Variants in APP observed in about 807,000 individuals in gnomAD.
The protein encoded by APP is amyloid-beta precursor protein.
APP carries 31 observed loss-of-function variants against 101.4 expected under a neutral mutation model. The ratio of observed to expected loss-of-function variants is 0.31; its 90% CI spans 0.23 to 0.41. The LOEUF is 0.41. APP is among the 10% of genes least tolerant of loss of function. The pLI is 1.00. For synonymous variants in APP, 366 were observed against 364.4 expected, an observed-to-expected ratio of 1.00 and a Z score of -0.05; for missense variants, 839 against 1,003.7, an observed-to-expected ratio of 0.84 and a Z score of 2.22.
intron 1 of APP, among the ~76,000 whole-genome samples, chr21:26,165,786 G>T (rs1480352670): frequency 6.6e-6 from 1 of 152,058 alleles, no homozygotes; most frequent in Admixed American, 6.5e-5. Context: ...GATCTCTTAG[G>T]TTTCTATTTC....
intron 6 of APP, among the ~76,000 whole-genome samples, chr21:26,003,302 G>T (rs1055118640): frequency 6.6e-6 from 1 of 152,252 alleles, no homozygotes; most frequent in African/African-American, 2.4e-5. Context: ...GTCTCCAGCT[G>T]TAAGAGCCTT....
chr21:26,002,986 G>A (rs1377199808), intron 6 of APP, among the ~76,000 whole-genome samples: 1 of 152,142 alleles, frequency 6.6e-6, no homozygotes, highest in Non-Finnish European at 1.5e-5. Flanking sequence ...ATAACTATGT[G>A]CCCTTATGTG....
chr21:25,978,822 C>T lies in APP; in HGVS notation c.1225-2794G>A, dbSNP rs1023741466. On this transcript the variant is annotated intron_variant, in intron 9 of 17. Coordinates refer to ENST00000346798, the MANE Select transcript of APP (RefSeq NM_000484.4). ...CAAAAATTAGCTCGGCGTGGTGGCA[C>T]GTGCCTGTAATCCCAGTTACTGGGG... Among the ~76,000 whole-genome samples, 6 of 152,184 alleles carry T rather than the reference C, an allele frequency of 3.9e-5. 1 individual carries two copies. Among genetic ancestry groups the T allele is most frequent in the East Asian group, 1.9e-4 (1 of 5,156 alleles).
In APP at chr21:25,936,344, G is replaced by A. The variant is rs536072336; in HGVS notation, c.1687+18246C>T. Among the ~76,000 whole-genome samples, 47 of 152,254 alleles carry A rather than the reference G, an allele frequency of 3.1e-4. 1 individual carries two copies. Among genetic ancestry groups the A allele is most frequent in the African/African-American group, 1.1e-3 (45 of 41,558 alleles). On this transcript the variant is annotated intron_variant, in intron 13 of 17. Transcript: ENST00000346798. ...CAAGGCAGGTGGATCACCTGAGGTC[G>A]AGAGTTCGAGACCAGCCTGACCAAC...
At chr21:26,022,368 G>A (rs1047571660) in intron 5 of APP, among the ~76,000 whole-genome samples, 2 of 152,036 alleles carry the variant, frequency 1.3e-5, no homozygotes, top group Non-Finnish European at 2.9e-5. Context: ...AATAGGTGGA[G>A]TAGAGAGGAT....
intron 11 of APP, among the ~76,000 whole-genome samples, chr21:25,958,621 C>T (rs1381213979): frequency 6.6e-6 from 1 of 152,120 alleles, no homozygotes. Context: ...AGCACAAAAG[C>T]CTTGACTTTT....
chr21:25,906,913 A>C (rs986412293), intron 14 of APP, among the ~76,000 whole-genome samples: 1 of 152,216 alleles, frequency 6.6e-6, no homozygotes, highest in Non-Finnish European at 1.5e-5. Flanking sequence ...CGGGGCAGTA[A>C]GTTAAGTGTA....
chr21:26,072,465 AT>A (rs1047080851), intron 3 of APP, among the ~76,000 whole-genome samples: 16 of 152,346 alleles, frequency 1.1e-4, no homozygotes, highest in African/African-American at 3.8e-4. Context: ...TTTGCAAAAA[AT>A]ATATTTAAGT....
intron 17 of APP, among the ~76,000 whole-genome samples, chr21:25,890,920 A>C (rs1409826644): frequency 6.6e-6 from 1 of 152,136 alleles, no homozygotes; most frequent in African/African-American, 2.4e-5. Context: ...ATTAAATGTC[A>C]CACAAATTTT....
intron 8 of APP, 102 bp downstream of exon 8, chr21:25,997,258 A>G (rs1409262946): frequency 8.5e-7 from 1 of 1,170,628 alleles, no homozygotes. Flanking sequence ...CAGGTGTTCA[A>G]GAAACACAAA....
At chr21:26,106,874 C>T (rs1483408962) in intron 2 of APP, among the ~76,000 whole-genome samples, 1 of 152,196 alleles carries the variant, frequency 6.6e-6, no homozygotes, top group Non-Finnish European at 1.5e-5. Context: ...CAATGGACTA[C>T]AACGTAACTT....
At chr21:25,892,887 C>A (rs1186546201) in intron 16 of APP, among the ~76,000 whole-genome samples, 1 of 151,528 alleles carries the variant, frequency 6.6e-6, no homozygotes, top group Non-Finnish European at 1.5e-5. Context: ...GTTTGCTCTG[C>A]AACTTAATGA....
At chr21:26,164,730 C>A (rs951806119) in intron 1 of APP, among the ~76,000 whole-genome samples, 1 of 151,932 alleles carries the variant, frequency 6.6e-6, no homozygotes, top group Admixed American at 6.6e-5. Context: ...GTGGCGAGTG[C>A]CCATAGTCCC....
At chr21:26,070,914 T>C (rs2146035103) in intron 3 of APP, among the ~76,000 whole-genome samples, 1 of 152,284 alleles carries the variant, frequency 6.6e-6, no homozygotes, top group East Asian at 1.9e-4. Context: ...CTTTTATCAC[T>C]ACAACTTCAA....
intron 11 of APP, among the ~76,000 whole-genome samples, chr21:25,970,795 A>C (rs2042002736): frequency 6.6e-6 from 1 of 152,158 alleles, no homozygotes; most frequent in Non-Finnish European, 1.5e-5. Context: ...TCGGTAGAAC[A>C]GGGTAAATAG....
intron 5 of APP, among the ~76,000 whole-genome samples, chr21:26,039,673 G>A (rs1207878017): frequency 6.6e-6 from 1 of 152,138 alleles, no homozygotes; most frequent in Non-Finnish European, 1.5e-5. Flanking sequence ...AAGTACAACA[G>A]TGAACATTCA....
At chr21:26,114,739 T>G (rs2062399105) in intron 1 of APP, among the ~76,000 whole-genome samples, 1 of 152,204 alleles carries the variant, frequency 6.6e-6, no homozygotes, top group Non-Finnish European at 1.5e-5. Flanking sequence ...TTTCTTCTAT[T>G]TTTCACTTTG....
chr21:25,968,346 A>C (rs1232264186), intron 11 of APP, among the ~76,000 whole-genome samples: 10 of 125,170 alleles, frequency 8.0e-5, no homozygotes, highest in Non-Finnish European at 1.1e-4. Context: ...TTTTTTGTAG[A>C]GATAGGGCCT....
At chr21:25,914,587 T>A (rs2039250766) in intron 13 of APP, among the ~76,000 whole-genome samples, 1 of 138,244 alleles carries the variant, frequency 7.2e-6, no homozygotes, top group South Asian at 2.4e-4. Flanking sequence ...GGAGTCTTGC[T>A]CTGTCGCCCA....
Sources: allele counts gnomAD v4.1 joint callset (sites outside exome capture counted in the v4.1 genomes callset), GRCh38; gene constraint gnomAD v4.1.1; transcripts MANE v1.5; gene names NCBI Gene and HGNC (gene_info 2026-07-23, HGNC 2026-07-21).